AHI1: variants seen among roughly 807,000 people sequenced by gnomAD.
AHI1 encodes jouberin.
Under a neutral mutation model 149.3 loss-of-function variants are expected in AHI1, and 123 were observed. That is an observed-to-expected ratio of 0.82 (90% CI 0.71 to 0.96). The LOEUF (loss-of-function observed/expected upper bound fraction) is 0.96. Ranked by LOEUF, AHI1 falls within the 40% of genes least tolerant of loss-of-function variation. AHI1 has a pLI of 0.00. For missense variants in AHI1, 1,439 were observed against 1,422.7 expected, an observed-to-expected ratio of 1.01 and a Z score of -0.18; for synonymous variants, 475 against 459.8, an observed-to-expected ratio of 1.03 and a Z score of -0.42.
At chr6:135,400,823 C>G (rs935331053) in intron 22 of AHI1, among the ~76,000 whole-genome samples, 1 of 152,142 alleles carries the variant, frequency 6.6e-6, no homozygotes, top group African/African-American at 2.4e-5. Flanking sequence ...TGCATCTTTT[C>G]TCTTGCAACT....
chr6:135,364,879 G>A (rs895725331), intron 23 of AHI1, among the ~76,000 whole-genome samples: 13 of 151,926 alleles, frequency 8.6e-5, no homozygotes, highest in East Asian at 1.9e-4. Flanking sequence ...GAGGGAGACC[G>A]TGGAAAGAGA....
intron 23 of AHI1, among the ~76,000 whole-genome samples, chr6:135,372,657 G>A (rs2128457834): frequency 1.3e-5 from 2 of 152,310 alleles, no homozygotes; most frequent in South Asian, 4.1e-4. Context: ...TCCAGCCCAG[G>A]TGACAGGGTG....
intron 24 of AHI1, among the ~76,000 whole-genome samples, chr6:135,349,793 A>C (rs894308041): frequency 6.6e-6 from 1 of 152,230 alleles, no homozygotes; most frequent in Non-Finnish European, 1.5e-5. Context: ...CTTTAGACCC[A>C]AAAGTTGACT....
chr6:135,341,049 A>C (rs1306616299), intron 24 of AHI1, among the ~76,000 whole-genome samples: 1 of 152,076 alleles, frequency 6.6e-6, no homozygotes, highest in Non-Finnish European at 1.5e-5. Flanking sequence ...AAGGAAAAAC[A>C]ACAACGATAA....
At chr6:135,417,424 T>G (rs1782539717) in intron 20 of AHI1, among the ~76,000 whole-genome samples, 1 of 152,046 alleles carries the variant, frequency 6.6e-6, no homozygotes, top group Non-Finnish European at 1.5e-5. Context: ...ATTTTACTCT[T>G]TTTGTCAAAC....
intron 25 of AHI1, among the ~76,000 whole-genome samples, chr6:135,321,035 C>T (rs760529102): frequency 6.6e-6 from 1 of 152,156 alleles, no homozygotes; most frequent in Non-Finnish European, 1.5e-5. Flanking sequence ...TTTCATACGG[C>T]CTATGTTTTT....
chr6:135,445,935 A>G (rs1787130055), intron 13 of AHI1, among the ~76,000 whole-genome samples: 1 of 152,070 alleles, frequency 6.6e-6, no homozygotes, highest in South Asian at 2.1e-4. Context: ...AGACGCCTGT[A>G]GTCCCAGCTA....
chr6:135,379,341 A>G (rs937094939), intron 23 of AHI1, among the ~76,000 whole-genome samples: 2 of 152,104 alleles, frequency 1.3e-5, no homozygotes, highest in Non-Finnish European at 2.9e-5. Context: ...CTCCACGTTA[A>G]TGATTTAACA....
intron 15 of AHI1, among the ~76,000 whole-genome samples, chr6:135,435,897 A>G (rs75760147): frequency 0.024 from 3,703 of 152,290 alleles, 66 homozygotes; most frequent in East Asian, 0.054. Flanking sequence ...TGTGAAAGAA[A>G]TGATGGGAAA....
At chr6:135,356,924 A>T (rs901962959) in intron 24 of AHI1, among the ~76,000 whole-genome samples, 2 of 152,172 alleles carry the variant, frequency 1.3e-5, no homozygotes, top group Non-Finnish European at 2.9e-5. Context: ...ACACAATTCA[A>T]ATACTTTAAT....
chr6:135,297,258 A>G (rs1341774292), intron 27 of AHI1, among the ~76,000 whole-genome samples: 2 of 152,050 alleles, frequency 1.3e-5, no homozygotes, highest in Admixed American at 6.5e-5. Flanking sequence ...CTAGAGCCAC[A>G]ATCTCTATCC....
chr6:135,387,844 G>A, intron 23 of AHI1: 1 of 1,474,412 alleles, frequency 6.8e-7, no homozygotes. Flanking sequence ...AATGTATTGT[G>A]TTGATTCTGA....
At chr6:135,452,790 A>G (rs1788331442) in intron 11 of AHI1, among the ~76,000 whole-genome samples, 1 of 152,004 alleles carries the variant, frequency 6.6e-6, no homozygotes, top group African/African-American at 2.4e-5. Flanking sequence ...GCTCCTTCAA[A>G]TATCAGGGTT....
At chr6:135,472,525 TGCTACATGGTAAACA>T (rs1791911430) in intron 5 of AHI1, among the ~76,000 whole-genome samples, 1 of 152,238 alleles carries the variant, frequency 6.6e-6, no homozygotes, top group Non-Finnish European at 1.5e-5. Flanking sequence ...GGAATTGCTG[TGCTACATGGTAAACA>T]GATATTTAAC....
intron 23 of AHI1, among the ~76,000 whole-genome samples, chr6:135,370,585 T>C (rs1211279883): frequency 6.6e-6 from 1 of 152,236 alleles, no homozygotes; most frequent in Non-Finnish European, 1.5e-5. Flanking sequence ...AATGTTCCCA[T>C]GTATTTAAGT....
chr6:135,394,619 T>C, intron 23 of AHI1, 157 bp downstream of exon 23: 1 of 1,029,698 alleles, frequency 9.7e-7, no homozygotes, highest in Middle Eastern at 2.2e-4. Context: ...TGAAATAACC[T>C]TGGTGATTTT....
chr6:135,376,329 G>A (rs528411753), intron 23 of AHI1, among the ~76,000 whole-genome samples: 72 of 152,228 alleles, frequency 4.7e-4, no homozygotes, highest in African/African-American at 1.7e-3. Context: ...TGGCCTTAAA[G>A]TATCATTCCA....
In AHI1 at chr6:135,290,347, G is replaced by T. The variant is rs1021864619; in HGVS notation, c.3588+76C>A. Reference sequence around the variant, plus strand: ...TTTTACTTGCCTCTCTCTGGTATTTGTCCTTGCTGACCATGCTTTCCTAAA... The same window carrying T: ...TTTTACTTGCCTCTCTCTGGTATTTTTCCTTGCTGACCATGCTTTCCTAAA... On this transcript the variant is annotated intron_variant, in intron 28 of 28. Transcript: ENST00000265602. The T allele has an allele frequency of 3.3e-6, 3 of 916,942 alleles. No individual in the cohort carries two copies. The African/African-American group carries it at 4.9e-5, about 15-fold the overall frequency. 56.8% of individuals were successfully genotyped at this position (916,942 alleles called of 1,614,324 possible). A position where few individuals can be genotyped will look rare whatever the true frequency, so the allele number is the denominator to read the frequency against.
chr6:135,468,215 A>G (rs1473726475), intron 5 of AHI1, among the ~76,000 whole-genome samples: 2 of 152,180 alleles, frequency 1.3e-5, no homozygotes, highest in Non-Finnish European at 2.9e-5. Flanking sequence ...CTCCAAAAAA[A>G]TTCACTAATC....
Sources: allele counts gnomAD v4.1 joint callset (sites outside exome capture counted in the v4.1 genomes callset), GRCh38; gene constraint gnomAD v4.1.1; transcripts MANE v1.5; gene names NCBI Gene and HGNC (gene_info 2026-07-23, HGNC 2026-07-21).